AIPL1: variants seen among roughly 807,000 people sequenced by gnomAD.
The protein encoded by AIPL1 is AIP like 1 HSP90 co-chaperone.
In AIPL1, 23 loss-of-function variants were observed where a neutral mutation model predicts 32.9. The observed-to-expected ratio is 0.70, with a 90% CI of 0.50 to 0.99. AIPL1 has a LOEUF of 0.99. AIPL1 is among the 50% of genes least tolerant of loss of function. AIPL1 has a pLI of 0.00. For synonymous variants in AIPL1, 210 were observed against 209.4 expected, an observed-to-expected ratio of 1.00 and a Z score of -0.02; for missense variants, 485 against 506.0, an observed-to-expected ratio of 0.96 and a Z score of 0.40.
intron 2 of AIPL1, among the ~76,000 whole-genome samples, chr17:6,433,654 C>G (rs186382426): frequency 0.026 from 3,868 of 148,304 alleles, 137 homozygotes; most frequent in African/African-American, 0.078. Flanking sequence ...CACACACACA[C>G]AGATGTGAGG....
chr17:6,425,620 G>C lies in AIPL1; in HGVS notation c.995C>G (p.Thr332Arg), dbSNP rs770159814. 2 of 1,613,030 alleles carry C rather than the reference G, an allele frequency of 1.2e-6. No individual in the cohort carries two copies. Among genetic ancestry groups the C allele is most frequent in the Non-Finnish European group, 1.7e-6 (2 of 1,179,882 alleles). Reference protein sequence around the residue: ...RCRNMLSQGATQPPAEPPTEP... With the variant: ...RCRNMLSQGARQPPAEPPTEP... ...TGTGGGTGGCTCTGCGGGAGGCTGC[G>C]TGGCACCCTGGCTCAGCATGTTCCG... The change falls in exon 6 of 6, where the codon ACG becomes AGG. Residue 332 changes from threonine to arginine, a missense_variant. Transcript: ENST00000381129.
chr17:6,428,135 T>C (rs745939251), intron 3 of AIPL1, among the ~76,000 whole-genome samples, 183 bp downstream of exon 3: 1 of 152,206 alleles, frequency 6.6e-6, no homozygotes, highest in Non-Finnish European at 1.5e-5. Flanking sequence ...GGACTTTTCT[T>C]GTGGAAAAAT....
In AIPL1 at chr17:6,425,781, C is replaced by T. The variant is rs62637014; in HGVS notation, c.834G>A (p.Trp278Ter). The T allele has an allele frequency of 3.5e-4, 569 of 1,606,522 alleles. 1 individual carries two copies. Among genetic ancestry groups the T allele is most frequent in the Non-Finnish European group, 4.4e-4 (521 of 1,179,968 alleles). Residue 278 changes from tryptophan (W) to a stop codon, truncating the protein, a stop_gained, in exon 6 of 6, where the codon TGG (tryptophan) becomes TGA (stop). Coordinates refer to ENST00000381129, the MANE Select transcript of AIPL1 (RefSeq NM_014336.5). LOFTEE classifies it low-confidence loss of function (END_TRUNC). ...GGTCCGCCTTGGCCTCGGCCTCATT[C>T]CACACCTCTGCGTGAGCCCGGGCAC... ...YVRARAHAEV[W>*]NEAEAKADLQ...
rs1171170643 is a variant in AIPL1 at position 6,424,518 on chromosome 17, GT to G, written c.*941del. Reference sequence around the variant, plus strand: ...CTGCAGCTTCAATACAGCTGTTTTGGTTTTGGTTTTGTTTGTTTTTCTTTTG... The same window carrying G: ...CTGCAGCTTCAATACAGCTGTTTTGGTTTGGTTTTGTTTGTTTTTCTTTTG... On this transcript the variant is annotated 3_prime_UTR_variant, in exon 6 of 6. Coordinates refer to ENST00000381129, the MANE Select transcript of AIPL1 (RefSeq NM_014336.5). The G allele has an allele frequency of 6.6e-6, 1 of 152,304 alleles. No individual in the cohort carries two copies. Among genetic ancestry groups the G allele is most frequent in the African/African-American group, 2.4e-5 (1 of 41,412 alleles). 9.4% of individuals were successfully genotyped at this position (152,304 alleles called of 1,614,324 possible).
At chr17:6,426,346 G>T in intron 5 of AIPL1, 1 of 1,398,426 alleles carries the variant, frequency 7.2e-7, no homozygotes, top group Non-Finnish European at 9.3e-7. Flanking sequence ...TTTTTTAAAC[G>T]CCTGTTTACC....
At chr17:6,426,779 ATGACCTCAGGCAGCTGCCCAAC>A (rs1244411272) in intron 4 of AIPL1, 23 bp from the exon 5 acceptor site, 1 of 1,613,042 alleles carries the variant, frequency 6.2e-7, no homozygotes, top group African/African-American at 1.3e-5. Context: ...AAGGTCAGCC[ATGACCTCAGGCAGCTGCCCAAC>A]CCCCGCCCCA....
chr17:6,426,347 C>T, intron 5 of AIPL1: 3 of 1,406,998 alleles, frequency 2.1e-6, no homozygotes, highest in Non-Finnish European at 2.8e-6. Context: ...TTTTTAAACG[C>T]CTGTTTACCG....
In AIPL1 at chr17:6,423,841, AC is replaced by A. The variant is rs367789472; in HGVS notation, c.*1618del. Reference sequence around the variant, plus strand: ...ACAGAGCAGAAGGTAGATGTTAACAACAAGGAAGATGGAAAAGTAAAGTACA... The same window carrying A: ...ACAGAGCAGAAGGTAGATGTTAACAAAAGGAAGATGGAAAAGTAAAGTACA... On this transcript the variant is annotated 3_prime_UTR_variant, in exon 6 of 6. Transcript: ENST00000381129. The A allele has an allele frequency of 6.4e-4, 98 of 152,412 alleles. No homozygotes were observed. Among genetic ancestry groups the A allele is most frequent in the African/African-American group, 2.3e-3 (96 of 41,598 alleles). 9.4% of individuals were successfully genotyped at this position (152,412 alleles called of 1,614,324 possible).
intron 5 of AIPL1, 115 bp downstream of exon 5, chr17:6,426,500 A>G (rs1414482705): frequency 2.0e-6 from 3 of 1,524,810 alleles, no homozygotes; most frequent in African/African-American, 1.4e-5. Context: ...CTGGGTGGAG[A>G]CAAGGTTTGG....
Position 6,425,610 on chromosome 17 carries a change from G to T in AIPL1, c.1005C>A (p.Pro335=). The change falls in exon 6 of 6, where the codon CCC becomes CCA. Residue 335 remains proline (P), a synonymous_variant. Coordinates refer to ENST00000381129, the MANE Select transcript of AIPL1 (RefSeq NM_014336.5). ...CGGGTGGCTCTGTGGGTGGCTCTGC[G>T]GGAGGCTGCGTGGCACCCTGGCTCA... The part of the protein sequence containing the change: ...NMLSQGATQP[P]AEPPTEPPAQ... 4 of 1,613,190 alleles carry T rather than the reference G, an allele frequency of 2.5e-6. No individual in the cohort carries two copies. The South Asian group carries it at 4.4e-5, about 18-fold the overall frequency.
intron 2 of AIPL1, among the ~76,000 whole-genome samples, chr17:6,430,418 T>C (rs1464552028): frequency 7.7e-6 from 1 of 130,172 alleles, no homozygotes; most frequent in Non-Finnish European, 1.5e-5. Flanking sequence ...CCCACACCAT[T>C]GCACTCCAGC....
intron 2 of AIPL1, among the ~76,000 whole-genome samples, chr17:6,430,963 G>C (rs1209913383): frequency 6.6e-6 from 1 of 151,410 alleles, no homozygotes; most frequent in African/African-American, 2.5e-5. Context: ...ATGTTGAGTG[G>C]GATCACCTAC....
chr17:6,426,532 AAAGTCCAGG>A, intron 5 of AIPL1, 74 bp downstream of exon 5: 1 of 1,550,844 alleles, frequency 6.4e-7, no homozygotes, highest in Admixed American at 1.9e-5. Context: ...GGTGGAAAGA[AAAGTCCAGG>A]AAGGCTATGG....
Position 6,434,815 on chromosome 17 carries a change from A to G in AIPL1, c.96+194T>C, listed in dbSNP as rs2292540. ...AAAGCCCTTCCCCTCAGCCCATGCT[A>G]AAGTTGAATCTGCAAAGTACCAAAA... On this transcript the variant is annotated intron_variant, in intron 1 of 5. Coordinates refer to ENST00000381129, the MANE Select transcript of AIPL1 (RefSeq NM_014336.5). 0.021 allele frequency: 20,409 copies of G among 952,192 alleles called. 609 individuals are homozygous for G. Among genetic ancestry groups the G allele is most frequent in the South Asian group, 0.096 (5,516 of 57,206 alleles). The allele number at this position is 952,192 out of a possible 1,614,324, so 59.0% of individuals were successfully genotyped here.
chr17:6,427,667 C>A (rs1315532018), intron 3 of AIPL1, among the ~76,000 whole-genome samples: 1 of 152,104 alleles, frequency 6.6e-6, no homozygotes, highest in Non-Finnish European at 1.5e-5. Context: ...TCTCCCGCCA[C>A]TAGAGAACCA....
Position 6,426,984 on chromosome 17 carries a change from A to C in AIPL1, c.539T>G (p.Val180Gly). The change falls in exon 4 of 6, where the codon GTC (valine) becomes GGC (glycine). Residue 180 changes from valine (V) to glycine (G), a missense_variant. Coordinates refer to ENST00000381129, the MANE Select transcript of AIPL1 (RefSeq NM_014336.5). Reference protein sequence around the residue: ...SNHEKMKAVPVLHGEGNRLFK... With the variant: ...SNHEKMKAVPGLHGEGNRLFK... ...GAGCCGATTTCCCTCTCCGTGGAGG[A>C]CGGGCACCGCCTTCATCTTCTCATG... 1 of 1,614,090 alleles carries C rather than the reference A, an allele frequency of 6.2e-7. No homozygotes were observed. The highest frequency in any genetic ancestry group is 8.5e-7 in the Non-Finnish European group (1 of 1,180,028).
chr17:6,423,902 A>C lies in AIPL1; in HGVS notation c.*1558T>G, dbSNP rs895602802. On this transcript the variant is annotated 3_prime_UTR_variant, in exon 6 of 6. Transcript: ENST00000381129. ...TAGGGATACAGTTAGCGCTGGGGGA[A>C]CCCCTGCTGGGTGGAGACAAGCTCT... 6.6e-6 allele frequency: 1 copy of C among 152,244 alleles called. No individual in the cohort carries two copies. The highest frequency in any genetic ancestry group is 1.5e-5 in the Non-Finnish European group (1 of 68,060). 9.4% of individuals were successfully genotyped at this position (152,244 alleles called of 1,614,324 possible).
chr17:6,426,845 A>T lies in AIPL1; in HGVS notation c.642+36T>A, dbSNP rs115341523. The T allele has an allele frequency of 1.2e-3, 1,896 of 1,613,178 alleles. 19 individuals are homozygous for T. In the African/African-American group the frequency reaches 0.021, roughly 18 times the overall value. Reference sequence around the variant, plus strand: ...GGCACTGGGCAGGCCCCCCAGAGTCAGCGCCACTTCCCACCCCTGGCCAGC... The same window carrying T: ...GGCACTGGGCAGGCCCCCCAGAGTCTGCGCCACTTCCCACCCCTGGCCAGC... On this transcript the variant is annotated intron_variant, in intron 4 of 5. Coordinates refer to ENST00000381129, the MANE Select transcript of AIPL1 (RefSeq NM_014336.5).
intron 1 of AIPL1, 107 bp from the exon 2 acceptor site, chr17:6,434,205 C>T: frequency 7.8e-7 from 1 of 1,280,504 alleles, no homozygotes; most frequent in Non-Finnish European, 1.1e-6. Flanking sequence ...TCAGCTCACT[C>T]AGTTCACCCC....
Sources: gnomAD v4.1 joint callset for allele counts (sites outside exome capture counted in the v4.1 genomes callset) on GRCh38, gnomAD v4.1.1 for gene constraint, MANE v1.5 for transcripts, NCBI Gene and HGNC (gene_info 2026-07-23, HGNC 2026-07-21) for gene names.